Variants in RBM20 observed in about 807,000 individuals in gnomAD.
The protein encoded by RBM20 is RNA-binding protein 20.
A neutral mutation model predicts 110.1 loss-of-function variants in RBM20; 51 were observed. The ratio of observed to expected loss-of-function variants is 0.46; its 90% CI spans 0.37 to 0.59. The LOEUF is 0.59. RBM20 is among the 20% of genes least tolerant of loss of function. RBM20 has a pLI of 0.00. For missense variants in RBM20, 1,512 were observed against 1,574.9 expected, an observed-to-expected ratio of 0.96 and a Z score of 0.68; for synonymous variants, 589 against 618.2, an observed-to-expected ratio of 0.95 and a Z score of 0.70.
intron 11 of RBM20, 32 bp downstream of exon 11, chr10:110,821,967 G>A (rs1350366448): frequency 3.2e-6 from 5 of 1,543,764 alleles, no homozygotes; most frequent in South Asian, 1.2e-5. Flanking sequence ...ACGGGTGGTC[G>A]GGTTGATTGG....
At chr10:110,756,289 C>T (rs146814022) in intron 1 of RBM20, among the ~76,000 whole-genome samples, 4 of 152,218 alleles carry the variant, frequency 2.6e-5, no homozygotes, top group African/African-American at 9.6e-5. Context: ...GCCTGTAAAT[C>T]ATTTACAGAT....
chr10:110,661,187 GA>G (rs1862096378), intron 1 of RBM20, among the ~76,000 whole-genome samples: 2 of 152,212 alleles, frequency 1.3e-5, no homozygotes, highest in South Asian at 4.1e-4. Flanking sequence ...GCCCACCTAG[GA>G]TATGAACTAT....
At chr10:110,649,745 A>G (rs1447851175) in intron 1 of RBM20, among the ~76,000 whole-genome samples, 1 of 152,220 alleles carries the variant, frequency 6.6e-6, no homozygotes, top group African/African-American at 2.4e-5. Context: ...AAAGTTTTGC[A>G]TTAAGTAAAA....
chr10:110,812,297 C>A lies in RBM20; in HGVS notation c.1900C>A (p.Arg634=), dbSNP rs796734066. 2 of 1,547,250 alleles carry A rather than the reference C, an allele frequency of 1.3e-6. No individual in the cohort carries two copies. Among genetic ancestry groups the A allele is most frequent in the Non-Finnish European group, 1.7e-6 (2 of 1,144,356 alleles). Residue 634 remains arginine (R), a synonymous_variant, in exon 9 of 14, where the codon CGG becomes AGG. Coordinates refer to ENST00000369519, the MANE Select transcript of RBM20 (RefSeq NM_001134363.3). ...TCACAGATATGGCCCAGAAAGGCCG[C>A]GGTCTCGTAGTCCGGTGAGCCGGTC... is the stretch of plus-strand genomic sequence containing the variant. ...EADRYGPERP[R]SRSPVSRSLS...
At position 110,812,396 on chromosome 10, in the gene RBM20, G is replaced by T. The variant is rs780115137; in HGVS notation, c.1999G>T (p.Ala667Ser). Residue 667 changes from alanine (A) to serine (S), a missense_variant, in exon 9 of 14, where the codon GCT (alanine) becomes TCT (serine). By Grantham distance (99) the Ala-to-Ser change is moderately conservative. Coordinates refer to ENST00000369519, the MANE Select transcript of RBM20 (RefSeq NM_001134363.3). ...CCACAGCCCTCCGGGCCCCTCCCGG[G>T]CTGACTGGGGCAATGGCCGGGACTC... ...SSHSPPGPSR[A>S]DWGNGRDSWE... The T allele has an allele frequency of 1.3e-6, 2 of 1,551,676 alleles. No homozygotes were observed. The highest frequency in any genetic ancestry group is 1.7e-6 in the Non-Finnish European group (2 of 1,146,992).
intron 1 of RBM20, among the ~76,000 whole-genome samples, chr10:110,674,426 A>G (rs886734075): frequency 6.6e-6 from 1 of 152,208 alleles, no homozygotes; most frequent in African/African-American, 2.4e-5. Context: ...AAGTTTAAAC[A>G]CATTCTGAGC....
chr10:110,708,457 G>C (rs1253890718), intron 1 of RBM20, among the ~76,000 whole-genome samples: 1 of 152,104 alleles, frequency 6.6e-6, no homozygotes, highest in Non-Finnish European at 1.5e-5. Flanking sequence ...TATTAGATAA[G>C]TGGTGTTTTT....
At position 110,825,444 on chromosome 10, in the gene RBM20, A is replaced by G. The variant is rs143767962; in HGVS notation, c.3451+1830A>G. Among the ~76,000 whole-genome samples the G allele has an allele frequency of 5.8e-3, 879 of 152,334 alleles. 11 individuals are homozygous for G. The highest frequency in any genetic ancestry group is 0.02 in the African/African-American group (835 of 41,570). On this transcript the variant is annotated intron_variant, in intron 12 of 13. Coordinates refer to ENST00000369519, the MANE Select transcript of RBM20 (RefSeq NM_001134363.3). Reference sequence around the variant, plus strand: ...GTAACAAATTCAAAAAATAAGAACCATATCAAGTCAATATTAAAGGTCTGA... The same window carrying G: ...GTAACAAATTCAAAAAATAAGAACCGTATCAAGTCAATATTAAAGGTCTGA...
chr10:110,817,963 A>G (rs12413827), intron 9 of RBM20, among the ~76,000 whole-genome samples: 25,671 of 152,206 alleles, frequency 0.17, 2,662 homozygotes, highest in Admixed American at 0.25. Context: ...CAGGGGAAGC[A>G]AATGAAGTAT....
intron 5 of RBM20, among the ~76,000 whole-genome samples, chr10:110,786,941 G>C (rs553565982): frequency 6.6e-6 from 1 of 152,332 alleles, no homozygotes; most frequent in African/African-American, 2.4e-5. Context: ...TGGATGGGGA[G>C]AGGAGAGACA....
intron 1 of RBM20, among the ~76,000 whole-genome samples, chr10:110,654,624 G>A (rs1736946913): frequency 6.6e-6 from 1 of 151,832 alleles, no homozygotes; most frequent in South Asian, 2.1e-4. Context: ...CTTGGGGCTG[G>A]TCAGTGACTA....
At chr10:110,814,176 C>T (rs532864722) in intron 9 of RBM20, among the ~76,000 whole-genome samples, 3 of 152,274 alleles carry the variant, frequency 2.0e-5, no homozygotes, top group African/African-American at 7.2e-5. Flanking sequence ...TGAAGAGTCA[C>T]CTTTTGGATG....
At chr10:110,656,506 A>G (rs570580637) in intron 1 of RBM20, among the ~76,000 whole-genome samples, 4 of 152,134 alleles carry the variant, frequency 2.6e-5, no homozygotes, top group African/African-American at 7.2e-5. Context: ...ACTATTTTAA[A>G]GTGCATAATT....
intron 1 of RBM20, among the ~76,000 whole-genome samples, chr10:110,724,393 T>G (rs1017787874): frequency 6.6e-5 from 10 of 152,216 alleles, no homozygotes; most frequent in African/African-American, 2.4e-4. Flanking sequence ...TCAGCAAAAT[T>G]GTGACTTCTT....
intron 1 of RBM20, among the ~76,000 whole-genome samples, chr10:110,703,408 AATTT>A (rs1862789285): frequency 6.6e-6 from 1 of 151,998 alleles, no homozygotes; most frequent in Non-Finnish European, 1.5e-5. Context: ...AGAAAGAAAG[AATTT>A]AGAATGTATC....
intron 1 of RBM20, among the ~76,000 whole-genome samples, chr10:110,703,148 G>A (rs1398408161): frequency 4.0e-5 from 6 of 151,716 alleles, no homozygotes; most frequent in Admixed American, 3.3e-4. Flanking sequence ...AGGCCAAGGC[G>A]GGTGGATCAC....
chr10:110,708,964 A>G (rs998040695), intron 1 of RBM20, among the ~76,000 whole-genome samples: 1 of 152,214 alleles, frequency 6.6e-6, no homozygotes, highest in African/African-American at 2.4e-5. Flanking sequence ...GTCCAATTTC[A>G]CGAGGCAGTG....
At chr10:110,729,463 G>C (rs1843597176) in intron 1 of RBM20, among the ~76,000 whole-genome samples, 1 of 152,058 alleles carries the variant, frequency 6.6e-6, no homozygotes. Flanking sequence ...CCTTTCCTTT[G>C]ATGCATTGAT....
chr10:110,752,942 TA>T (rs61153331), intron 1 of RBM20, among the ~76,000 whole-genome samples: 5,673 of 81,146 alleles, frequency 0.07, 131 homozygotes, highest in African/African-American at 0.1. Flanking sequence ...TATATATATA[TA>T]TATTTTTTTT....
Sources: gnomAD v4.1 joint callset for allele counts (sites outside exome capture counted in the v4.1 genomes callset) on GRCh38, gnomAD v4.1.1 for gene constraint, MANE v1.5 for transcripts, NCBI Gene and HGNC (gene_info 2026-07-23, HGNC 2026-07-21) for gene names.